Variants in FNDC3B observed in about 807,000 individuals in gnomAD.
The protein encoded by FNDC3B is fibronectin type III domain containing 3B.
FNDC3B carries 12 observed loss-of-function variants against 151.5 expected under a neutral mutation model. The ratio of observed to expected loss-of-function variants is 0.08; its 90% CI spans 0.05 to 0.13. FNDC3B has a LOEUF of 0.13. FNDC3B is among the 10% of genes least tolerant of loss of function. The pLI is 1.00. For missense variants in FNDC3B, 1,214 were observed against 1,505.3 expected (o/e 0.81, Z 3.20); for synonymous variants, 528 against 549.0 (o/e 0.96, Z 0.54).
intron 21 of FNDC3B, among the ~76,000 whole-genome samples, chr3:172,347,718 A>C (rs904638780): frequency 6.6e-6 from 1 of 152,206 alleles, no homozygotes; most frequent in Non-Finnish European, 1.5e-5. Flanking sequence ...TGTACATTTC[A>C]GTGGGAAAGA....
chr3:172,077,175 T>C (rs1201182197), intron 1 of FNDC3B, among the ~76,000 whole-genome samples: 1 of 152,146 alleles, frequency 6.6e-6, no homozygotes, highest in Non-Finnish European at 1.5e-5. Context: ...AAAAAGTGTT[T>C]ATAATAAGTT....
intron 1 of FNDC3B, among the ~76,000 whole-genome samples, chr3:172,068,509 CG>C (rs2108483296): frequency 6.6e-6 from 1 of 151,044 alleles, no homozygotes; most frequent in South Asian, 2.1e-4. Context: ...CTGCAGCCTC[CG>C]CCACCCGGGT....
At chr3:172,051,325 T>C (rs1576818587) in intron 1 of FNDC3B, among the ~76,000 whole-genome samples, 1 of 152,070 alleles carries the variant, frequency 6.6e-6, no homozygotes, top group East Asian at 1.9e-4. Flanking sequence ...TCTAGCACTT[T>C]ATCTGTACTT....
rs1016436203 is a variant in FNDC3B, at chr3:172,399,817, A to G, written c.*2342A>G. The stretch of plus-strand genomic sequence containing the variant: ...ACACTTCAGAACTGCTGCTATAAAG[A>G]AATTCTCTAATTGGTTGAATTTTTT... On this transcript the variant is annotated 3_prime_UTR_variant, in exon 26 of 26. Coordinates refer to ENST00000415807, the MANE Select transcript of FNDC3B (RefSeq NM_022763.4). 1 of 114,040 alleles carries G rather than the reference A, an allele frequency of 8.8e-6. No homozygotes were observed. Among genetic ancestry groups the G allele is most frequent in the Non-Finnish European group, 1.8e-5 (1 of 55,900 alleles). The allele number at this position is 114,040 out of a possible 1,614,324, so 7.1% of individuals were successfully genotyped here. A position where few individuals can be genotyped will look rare whatever the true frequency, so the allele number is the denominator to read the frequency against.
At chr3:172,343,179 C>A in intron 18 of FNDC3B, 63 bp downstream of exon 18, 1 of 885,730 alleles carries the variant, frequency 1.1e-6, no homozygotes, top group Non-Finnish European at 1.9e-6. Context: ...AAGACTTATG[C>A]TTTGTAGTTA....
chr3:172,236,889 C>T (rs1266525603), intron 4 of FNDC3B, among the ~76,000 whole-genome samples: 3 of 152,160 alleles, frequency 2.0e-5, no homozygotes, highest in African/African-American at 4.8e-5. Context: ...TTTCCATTCT[C>T]CTGTCCAACC....
intron 7 of FNDC3B, among the ~76,000 whole-genome samples, chr3:172,294,397 G>A (rs1370416696): frequency 1.3e-5 from 2 of 152,214 alleles, no homozygotes; most frequent in Non-Finnish European, 2.9e-5. Context: ...GGAAGAAAAG[G>A]GGAAGCAGAC....
At chr3:172,162,073 T>C (rs1722807540) in intron 3 of FNDC3B, among the ~76,000 whole-genome samples, 1 of 151,878 alleles carries the variant, frequency 6.6e-6, no homozygotes, top group Admixed American at 6.6e-5. Flanking sequence ...GCCTCCCAGA[T>C]TCAAGCGATT....
At chr3:172,145,811 CTTTTTTTTTTT>C (rs34361134) in intron 3 of FNDC3B, among the ~76,000 whole-genome samples, 1 of 114,176 alleles carries the variant, frequency 8.8e-6, no homozygotes, top group African/African-American at 3.5e-5. Flanking sequence ...AGGTTTCTTT[CTTTTTTTTTTT>C]TTTTTTTTGA....
chr3:172,285,068 C>G (rs1277994151), intron 6 of FNDC3B, among the ~76,000 whole-genome samples: 1 of 152,042 alleles, frequency 6.6e-6, no homozygotes, highest in Non-Finnish European at 1.5e-5. Context: ...TTTCTAAAAC[C>G]TAATTATTGC....
intron 3 of FNDC3B, among the ~76,000 whole-genome samples, chr3:172,189,589 G>A (rs2074108100): frequency 6.6e-6 from 1 of 152,022 alleles, no homozygotes; most frequent in Non-Finnish European, 1.5e-5. Flanking sequence ...TGAGGCAGAA[G>A]GATCACTTGA....
At chr3:172,128,151 C>G (rs544279003) in intron 2 of FNDC3B, among the ~76,000 whole-genome samples, 4 of 152,182 alleles carry the variant, frequency 2.6e-5, no homozygotes, top group Admixed American at 6.5e-5. Flanking sequence ...ACCTTGAGTT[C>G]CCAGTGTTTG....
chr3:172,249,164 T>C (rs1560039508), intron 5 of FNDC3B, among the ~76,000 whole-genome samples: 1 of 152,212 alleles, frequency 6.6e-6, no homozygotes, highest in Non-Finnish European at 1.5e-5. Flanking sequence ...GAGTGTTTCT[T>C]AGAGCTTTCT....
At chr3:172,129,588 TTTA>T (rs769061495) in intron 2 of FNDC3B, among the ~76,000 whole-genome samples, 1 of 152,226 alleles carries the variant, frequency 6.6e-6, no homozygotes, top group Non-Finnish European at 1.5e-5. Flanking sequence ...CAACTCTTGT[TTTA>T]TTGTTTCTCT....
intron 16 of FNDC3B, among the ~76,000 whole-genome samples, chr3:172,340,187 C>T (rs1194510536): frequency 2.0e-5 from 3 of 152,180 alleles, no homozygotes; most frequent in Non-Finnish European, 4.4e-5. Flanking sequence ...CACCCAGACT[C>T]CTGGTGACCG....
intron 1 of FNDC3B, among the ~76,000 whole-genome samples, chr3:172,081,597 T>G (rs577526349): frequency 1.5e-4 from 23 of 152,376 alleles, no homozygotes; most frequent in Non-Finnish European, 2.9e-4. Context: ...AGGCATCGAC[T>G]TGATAGAAAA....
In FNDC3B at chr3:172,291,778, A is replaced by G. The variant is rs886997503; in HGVS notation, c.850-3585A>G. 3.9e-5 allele frequency among the ~76,000 whole-genome samples: 6 copies of G among 152,284 alleles called. No homozygotes were observed. The East Asian group carries it at 1.2e-3, about 29-fold the overall frequency. ...TTTTTGAGGGGTGAGGGGAACAAAC[A>G]GCCATGGTGATCACTGTGATGATCA... On this transcript the variant is annotated intron_variant, in intron 7 of 25. Coordinates refer to ENST00000415807, the MANE Select transcript of FNDC3B (RefSeq NM_022763.4).
Position 172,378,384 on chromosome 3 carries a change from C to T in FNDC3B, c.3123C>T (p.Phe1041=). The part of the protein sequence containing the change: ...QAASEAGEGP[F]SETYTFSTTK... ...CAAGCGAGGCTGGAGAAGGGCCCTT[C>T]TCAGAAACCTATACCTTCAGCACAA... is the stretch of plus-strand genomic sequence containing the variant. The change falls in exon 24 of 26, where the codon TTC becomes TTT. Residue 1041 remains phenylalanine (F), a synonymous_variant. Transcript: ENST00000415807. The T allele has an allele frequency of 1.9e-6, 3 of 1,614,058 alleles. No homozygotes were observed.
At chr3:172,311,739 G>A (rs7614140) in intron 11 of FNDC3B, among the ~76,000 whole-genome samples, 9,190 of 150,084 alleles carry the variant, frequency 0.061, 998 homozygotes, top group African/African-American at 0.21. Flanking sequence ...TTAGCCGGGC[G>A]TAGTGGCGGG....
Sources: allele counts gnomAD v4.1 joint callset (sites outside exome capture counted in the v4.1 genomes callset), GRCh38; gene constraint gnomAD v4.1.1; transcripts MANE v1.5; gene names NCBI Gene and HGNC (gene_info 2026-07-23, HGNC 2026-07-21).